Variants in MDGA2 observed in about 807,000 individuals in gnomAD.
MDGA2 encodes the protein MAM domain containing glycosylphosphatidylinositol anchor 2, also known as MAM domain-containing glycosylphosphatidylinositol anchor protein 2.
In MDGA2, 40 loss-of-function variants were observed where a neutral mutation model predicts 117.8. The ratio of observed to expected loss-of-function variants is 0.34; its 90% confidence interval spans 0.26 to 0.44. The LOEUF is 0.44. Among genes scored for constraint, MDGA2 ranks in the 20% least tolerant of loss-of-function variants. The pLI, the probability that MDGA2 is intolerant of heterozygous loss-of-function variation, is 1.00. For missense variants in MDGA2, 1,123 were observed against 1,250.6 expected, an observed-to-expected ratio of 0.90 and a Z score of 1.54; for synonymous variants, 452 against 439.0, an observed-to-expected ratio of 1.03 and a Z score of -0.37.
intron 6 of MDGA2, among the ~76,000 whole-genome samples, chr14:47,073,391 A>G (rs1429728088): frequency 1.3e-5 from 2 of 152,178 alleles, no homozygotes; most frequent in East Asian, 1.9e-4. Context: ...TAGAGCCTCA[A>G]TCTCCCAAAT....
At chr14:46,967,092 A>T (rs1886066054) in intron 8 of MDGA2, among the ~76,000 whole-genome samples, 1 of 142,914 alleles carries the variant, frequency 7.0e-6, no homozygotes, top group Admixed American at 7.3e-5. Flanking sequence ...GAACCTTCAA[A>T]TGAATATTAA....
intron 1 of MDGA2, among the ~76,000 whole-genome samples, chr14:47,329,067 G>C (rs766745301): frequency 6.6e-6 from 1 of 152,086 alleles, no homozygotes; most frequent in Non-Finnish European, 1.5e-5. Context: ...AAAACAATGT[G>C]TTTGTTATAA....
intron 1 of MDGA2, among the ~76,000 whole-genome samples, chr14:47,582,197 C>G (rs1896241265): frequency 6.6e-6 from 1 of 151,740 alleles, no homozygotes; most frequent in Non-Finnish European, 1.5e-5. Context: ...ACACACTGCT[C>G]TTAAAGGTCT....
At chr14:47,262,186 G>A (rs1369317807) in intron 2 of MDGA2, among the ~76,000 whole-genome samples, 1 of 152,130 alleles carries the variant, frequency 6.6e-6, no homozygotes, top group Non-Finnish European at 1.5e-5. Context: ...CTGAACAAAT[G>A]GATTCACCTA....
At chr14:47,152,406 A>C (rs1201766569) in intron 3 of MDGA2, among the ~76,000 whole-genome samples, 1 of 152,096 alleles carries the variant, frequency 6.6e-6, no homozygotes, top group Non-Finnish European at 1.5e-5. Flanking sequence ...TTGAATACCT[A>C]TTTTGGGCCA....
In MDGA2 at chr14:46,884,256, T is replaced by G. The variant is rs1343321169; in HGVS notation, c.2239-2035A>C. Among the ~76,000 whole-genome samples the G allele has an allele frequency of 6.6e-6, 1 of 152,140 alleles. No homozygotes were observed. The highest frequency in any genetic ancestry group is 1.5e-5 in the Non-Finnish European group (1 of 68,018). On this transcript the variant is annotated intron_variant, in intron 10 of 16. Transcript: ENST00000399232. The surrounding 1 kb of genome is among the most constrained non-coding windows in gnomAD (Gnocchi z 4.1). ...GTCTGCCTCAATGGTGCCAAACTAT[T>G]AAGAATCAAAGTTCAAGTTTGTCTG...
intron 2 of MDGA2, among the ~76,000 whole-genome samples, chr14:47,222,243 T>C (rs1319037639): frequency 6.6e-6 from 1 of 152,080 alleles, no homozygotes; most frequent in Non-Finnish European, 1.5e-5. Flanking sequence ...GATAAAGTTG[T>C]AATGGAATTA....
At chr14:47,226,818 G>C (rs1358318056) in intron 2 of MDGA2, among the ~76,000 whole-genome samples, 1 of 152,028 alleles carries the variant, frequency 6.6e-6, no homozygotes, top group Non-Finnish European at 1.5e-5. Flanking sequence ...GCCACAACAA[G>C]CTTAGAAGGT....
At chr14:47,297,444 G>A (rs1443284825) in intron 2 of MDGA2, among the ~76,000 whole-genome samples, 2 of 144,434 alleles carry the variant, frequency 1.4e-5, no homozygotes, top group African/African-American at 5.1e-5. Context: ...GGAGTGAAGG[G>A]AAGGGAAGGG....
chr14:47,622,600 A>G (rs1479626563), intron 1 of MDGA2, among the ~76,000 whole-genome samples: 1 of 150,262 alleles, frequency 6.7e-6, no homozygotes, highest in African/African-American at 2.5e-5. Context: ...TCTGTTGTCA[A>G]TTAAAGGTGG....
intron 5 of MDGA2, among the ~76,000 whole-genome samples, chr14:47,112,062 G>C (rs990044057): frequency 6.6e-6 from 1 of 151,830 alleles, no homozygotes; most frequent in African/African-American, 2.4e-5. Context: ...ACAACAAAGG[G>C]GCTAAGTTGA....
chr14:46,921,202 T>G (rs1309306019), intron 9 of MDGA2, among the ~76,000 whole-genome samples: 2 of 152,184 alleles, frequency 1.3e-5, no homozygotes, highest in African/African-American at 4.8e-5. Context: ...TGGAAATTAA[T>G]TACATTTTTT....
chr14:47,414,633 A>G (rs962902211), intron 1 of MDGA2, among the ~76,000 whole-genome samples: 2 of 152,148 alleles, frequency 1.3e-5, no homozygotes, highest in Non-Finnish European at 2.9e-5. Context: ...AAATGCTAAC[A>G]TACATTGTAC....
intron 3 of MDGA2, among the ~76,000 whole-genome samples, chr14:47,207,353 A>C (rs1885723357): frequency 6.6e-6 from 1 of 151,948 alleles, no homozygotes; most frequent in South Asian, 2.1e-4. Flanking sequence ...AAGAATGTAA[A>C]TTTTTAGCGG....
At chr14:47,207,001 T>G (rs887567550) in intron 3 of MDGA2, among the ~76,000 whole-genome samples, 1 of 152,056 alleles carries the variant, frequency 6.6e-6, no homozygotes, top group Non-Finnish European at 1.5e-5. Context: ...CAAATGCACA[T>G]TTTAAAAGAG....
rs1566567742 is a variant in MDGA2, at chr14:47,000,366, T to TATATATATATTTATATATAA, written c.1819+34644_1819+34645insTTATATATAAATATATATAT. Among the ~76,000 whole-genome samples the TATATATATATTTATATATAA allele has an allele frequency of 1.4e-3, 71 of 50,758 alleles. No homozygotes were observed. In the South Asian group the frequency reaches 0.022, roughly 16 times the overall value. 33.3% of individuals were successfully genotyped at this position (50,758 alleles called of 152,430 possible). ...ATATATATACACACACATATATATGTATATATATATTTATATATATATATT... is the reference window on the plus strand; with the variant it reads ...ATATATATACACACACATATATATGTATATATATATTTATATATAAATATATATATTTATATATATATATT... On this transcript the variant is annotated intron_variant, in intron 8 of 16. Coordinates refer to ENST00000399232, the MANE Select transcript of MDGA2 (RefSeq NM_001113498.3).
intron 1 of MDGA2, among the ~76,000 whole-genome samples, chr14:47,503,766 C>A (rs1231060564): frequency 6.6e-6 from 1 of 152,148 alleles, no homozygotes; most frequent in Non-Finnish European, 1.5e-5. Context: ...AATACCAATA[C>A]AATTTTCCTG....
intron 6 of MDGA2, among the ~76,000 whole-genome samples, chr14:47,087,576 T>G (rs762313887): frequency 3.3e-5 from 5 of 151,738 alleles, no homozygotes; most frequent in Admixed American, 1.3e-4. Context: ...CAAAGGCCTA[T>G]TTACATATCT....
intron 1 of MDGA2, among the ~76,000 whole-genome samples, chr14:47,632,428 C>T (rs570840488): frequency 1.3e-5 from 2 of 152,294 alleles, no homozygotes; most frequent in South Asian, 4.1e-4. Flanking sequence ...ACCTAAATTA[C>T]TATTCCTAAC....
Sources: gnomAD v4.1 joint callset for allele counts (sites outside exome capture counted in the v4.1 genomes callset) on GRCh38, gnomAD v4.1.1 for gene constraint, Gnocchi (gnomAD v3.1) non-coding constraint, MANE v1.5 for transcripts, NCBI Gene and HGNC (gene_info 2026-07-23, HGNC 2026-07-21) for gene names.